CADM2: variants seen among roughly 807,000 people sequenced by gnomAD.
CADM2 encodes immunoglobulin superfamily member 4D.
In CADM2, 12 loss-of-function variants were observed where a neutral mutation model predicts 49.8. That is an observed-to-expected ratio of 0.24 (90% CI 0.15 to 0.39). The LOEUF is 0.39. Among genes scored for constraint, CADM2 ranks in the 10% least tolerant of loss-of-function variants. CADM2 has a pLI of 1.00. For synonymous variants in CADM2, 214 were observed against 175.4 expected (o/e 1.22, Z -1.74); for missense variants, 378 against 492.3 (o/e 0.77, Z 2.20).
At position 85,240,861 on chromosome 3, in the gene CADM2, C is replaced by T. The variant is rs556360555; in HGVS notation, c.61+281193C>T. The stretch of plus-strand genomic sequence containing the variant: ...TTTAAATTTTTAATTGTTATGGAGA[C>T]GTAATAGTTGTACATATCTTTGGGG... On this transcript the variant is annotated intron_variant, in intron 1 of 9. Coordinates refer to ENST00000383699, the MANE Select transcript of CADM2 (RefSeq NM_001167675.2). Among the ~76,000 whole-genome samples, 5 of 151,448 alleles carry T rather than the reference C, an allele frequency of 3.3e-5. No individual in the cohort carries two copies. The South Asian group carries it at 8.3e-4, about 25-fold the overall frequency.
At chr3:85,879,659 A>G (rs1244986304) in intron 3 of CADM2, among the ~76,000 whole-genome samples, 1 of 152,154 alleles carries the variant, frequency 6.6e-6, no homozygotes, top group African/African-American at 2.4e-5. Context: ...GTGCATTAAA[A>G]TTTTTTAATC....
intron 1 of CADM2, among the ~76,000 whole-genome samples, chr3:85,423,476 A>G (rs944050964): frequency 1.3e-5 from 2 of 152,092 alleles, no homozygotes; most frequent in Non-Finnish European, 2.9e-5. Context: ...CTGTTTGTAA[A>G]CCAAAGATAG....
intron 2 of CADM2, among the ~76,000 whole-genome samples, chr3:85,752,341 A>C (rs2068895705): frequency 6.6e-6 from 1 of 152,134 alleles, no homozygotes; most frequent in Non-Finnish European, 1.5e-5. Context: ...AAACAGGTAG[A>C]GAAGGATCAG....
chr3:85,370,820 AC>A (rs2033174034), intron 1 of CADM2, among the ~76,000 whole-genome samples: 1 of 152,058 alleles, frequency 6.6e-6, no homozygotes, highest in Non-Finnish European at 1.5e-5. Flanking sequence ...GCCCCTGAAG[AC>A]TTTCCACTGG....
At chr3:85,893,089 A>G (rs1163243557) in intron 5 of CADM2, among the ~76,000 whole-genome samples, 3 of 152,206 alleles carry the variant, frequency 2.0e-5, no homozygotes, top group Non-Finnish European at 4.4e-5. Flanking sequence ...ACTGCCATAG[A>G]GATCTTTGGA....
chr3:85,904,945 T>C (rs923167904), intron 5 of CADM2, among the ~76,000 whole-genome samples: 7 of 152,216 alleles, frequency 4.6e-5, no homozygotes, highest in Non-Finnish European at 7.3e-5. Flanking sequence ...ATAATTTTCT[T>C]TTTCCTTGTA....
intron 1 of CADM2, among the ~76,000 whole-genome samples, chr3:85,046,788 A>C (rs948004971): frequency 2.0e-5 from 3 of 152,094 alleles, no homozygotes; most frequent in Non-Finnish European, 4.4e-5. Flanking sequence ...CAAAGCATTA[A>C]ATCATGAAAA....
At position 85,717,597 on chromosome 3, in the gene CADM2, T is replaced by C. The variant is rs548436467; in HGVS notation, c.62-8925T>C. On this transcript the variant is annotated intron_variant, in intron 1 of 9. Transcript: ENST00000383699. ...TTTTCAAAGGGAATGATTCCAGCTT[T>C]TGCCCATTCAGGATGATATTGGCTG... 2.7e-4 allele frequency among the ~76,000 whole-genome samples: 41 copies of C among 152,334 alleles called. No homozygotes were observed. In the South Asian group the frequency reaches 8.3e-3, roughly 31 times the overall value.
chr3:85,594,546 T>C (rs934726972), intron 1 of CADM2, among the ~76,000 whole-genome samples: 4 of 151,760 alleles, frequency 2.6e-5, no homozygotes, highest in Non-Finnish European at 5.9e-5. Context: ...GAGAAAGCAA[T>C]AGAACCAACT....
intron 1 of CADM2, among the ~76,000 whole-genome samples, chr3:85,678,536 A>C (rs1559587827): frequency 6.6e-6 from 1 of 152,180 alleles, no homozygotes; most frequent in Non-Finnish European, 1.5e-5. Context: ...ATCTCTTAAA[A>C]ATACTTTTTT....
At chr3:85,648,134 A>T (rs2064942621) in intron 1 of CADM2, among the ~76,000 whole-genome samples, 1 of 151,952 alleles carries the variant, frequency 6.6e-6, no homozygotes, top group Non-Finnish European at 1.5e-5. Flanking sequence ...TGACAGAGAC[A>T]AAGCCAGTTC....
At chr3:85,254,475 C>A (rs1043992694) in intron 1 of CADM2, among the ~76,000 whole-genome samples, 1 of 152,024 alleles carries the variant, frequency 6.6e-6, no homozygotes, top group Non-Finnish European at 1.5e-5. Context: ...AGTTTCAACC[C>A]TGTAATCCTG....
intron 1 of CADM2, among the ~76,000 whole-genome samples, chr3:84,976,533 C>A (rs1306363834): frequency 6.6e-6 from 1 of 151,450 alleles, no homozygotes; most frequent in African/African-American, 2.4e-5. Flanking sequence ...ATCAGAAATA[C>A]AATAAAAACC....
chr3:85,949,006 C>A (rs1723072561), intron 7 of CADM2, among the ~76,000 whole-genome samples: 1 of 151,296 alleles, frequency 6.6e-6, no homozygotes, highest in Admixed American at 6.6e-5. Flanking sequence ...ACTTAAGCAC[C>A]ACCACTCAAA....
intron 1 of CADM2, among the ~76,000 whole-genome samples, chr3:85,285,433 T>A (rs1466349130): frequency 6.6e-6 from 1 of 152,150 alleles, no homozygotes; most frequent in East Asian, 1.9e-4. Flanking sequence ...AAAATATGTC[T>A]AAATGATGAA....
At chr3:85,155,009 G>T (rs1292096773) in intron 1 of CADM2, among the ~76,000 whole-genome samples, 1 of 151,408 alleles carries the variant, frequency 6.6e-6, no homozygotes, top group African/African-American at 2.4e-5. Context: ...AGACCATCGA[G>T]ACTAGGAAGA....
At chr3:85,280,648 AT>A (rs1384130862) in intron 1 of CADM2, among the ~76,000 whole-genome samples, 1 of 151,832 alleles carries the variant, frequency 6.6e-6, no homozygotes, top group African/African-American at 2.4e-5. Context: ...CTAGTTTTTT[AT>A]TTAAAAAAAC....
In CADM2 at chr3:86,067,642, A is replaced by T. The variant is rs188745465; in HGVS notation, c.*859A>T. ...AGTATCCATAGGGCACAATTTTCAG[A>T]CATTTTAGTATCTGTATATAGTGCA... On this transcript the variant is annotated 3_prime_UTR_variant, in exon 10 of 10. Transcript: ENST00000383699. The T allele has an allele frequency of 1.3e-5, 2 of 152,644 alleles. No homozygotes were observed. Among genetic ancestry groups the T allele is most frequent in the Non-Finnish European group, 2.9e-5 (2 of 67,936 alleles). The allele number at this position is 152,644 out of a possible 1,614,324, so 9.5% of individuals were successfully genotyped here. A position where few individuals can be genotyped will look rare whatever the true frequency, so the allele number is the denominator to read the frequency against.
chr3:85,447,318 G>A (rs564507446), intron 1 of CADM2, among the ~76,000 whole-genome samples: 1 of 151,822 alleles, frequency 6.6e-6, no homozygotes, highest in East Asian at 1.9e-4. Flanking sequence ...TTACATTTTA[G>A]GTATTATAAT....
Sources: gnomAD v4.1 joint callset for allele counts (sites outside exome capture counted in the v4.1 genomes callset) on GRCh38, gnomAD v4.1.1 for gene constraint, MANE v1.5 for transcripts, NCBI Gene and HGNC (gene_info 2026-07-23, HGNC 2026-07-21) for gene names.